The following SPTBN1 variants were observed in gnomAD, a reference collection of about 807,000 sequenced individuals.
SPTBN1 encodes the protein spectrin beta, non-erythrocytic 1.
Under a neutral mutation model 266.4 loss-of-function variants are expected in SPTBN1, and 32 were observed. That is an observed-to-expected ratio of 0.12 (90% CI 0.09 to 0.16). SPTBN1 has a LOEUF of 0.16. Ranked by LOEUF, SPTBN1 falls within the 10% of genes least tolerant of loss-of-function variation. The pLI is 1.00. For synonymous variants in SPTBN1, 1,336 were observed against 1,162.2 expected (o/e 1.15, Z -3.04); for missense variants, 2,296 against 3,067.1 (o/e 0.75, Z 5.94).
At chr2:54,459,012 A>G (rs930560414) in intron 1 of SPTBN1, among the ~76,000 whole-genome samples, 2 of 152,234 alleles carry the variant, frequency 1.3e-5, no homozygotes, top group African/African-American at 2.4e-5. Context: ...CTGGTTGTGT[A>G]AAATCGTGTT....
At chr2:54,593,888 C>A (rs1366814373) in intron 2 of SPTBN1, among the ~76,000 whole-genome samples, 1 of 118,600 alleles carries the variant, frequency 8.4e-6, no homozygotes, top group African/African-American at 3.2e-5. Flanking sequence ...GGCTGGAGTG[C>A]GGTGGCATGA....
intron 26 of SPTBN1, among the ~76,000 whole-genome samples, chr2:54,651,530 A>C (rs1203125850): frequency 2.0e-5 from 3 of 152,194 alleles, no homozygotes; most frequent in African/African-American, 7.2e-5. Context: ...TTTTGTGCCA[A>C]CTTGAAGTGC....
chr2:54,578,918 T>G (rs1400483045), intron 2 of SPTBN1, among the ~76,000 whole-genome samples: 1 of 152,164 alleles, frequency 6.6e-6, no homozygotes, highest in Non-Finnish European at 1.5e-5. Flanking sequence ...AGGAGAAATC[T>G]GAGTATCTTT....
intron 2 of SPTBN1, among the ~76,000 whole-genome samples, chr2:54,560,187 T>TGGG (rs138411199): frequency 1.7e-5 from 2 of 114,336 alleles, no homozygotes; most frequent in African/African-American, 6.4e-5. Flanking sequence ...GGAGTTGGGG[T>TGGG]GGGGGGGGGC....
rs1330658914 is a variant in SPTBN1 at position 54,628,007 on chromosome 2, A to T, written c.1645-90A>T. On this transcript the variant is annotated intron_variant, in intron 12 of 35. Coordinates refer to ENST00000356805, the MANE Select transcript of SPTBN1 (RefSeq NM_003128.3). The surrounding 1 kb of genome is among the most constrained non-coding windows in gnomAD (Gnocchi z 4.3). Reference sequence around the variant, plus strand: ...CAGACTAGAGGGAAGGCATAGCTTCATTGCTGGCTCTCTGCTTGTCGAAAG... The same window carrying T: ...CAGACTAGAGGGAAGGCATAGCTTCTTTGCTGGCTCTCTGCTTGTCGAAAG... 1 of 1,472,794 alleles carries T rather than the reference A, an allele frequency of 6.8e-7. No individual in the cohort carries two copies. Among genetic ancestry groups the T allele is most frequent in the Non-Finnish European group, 9.1e-7 (1 of 1,095,494 alleles). The allele number at this position is 1,472,794 out of a possible 1,614,324, so 91.2% of individuals were successfully genotyped here. A position where few individuals can be genotyped will look rare whatever the true frequency, so the allele number is the denominator to read the frequency against.
At chr2:54,493,407 T>C (rs1016131551) in intron 1 of SPTBN1, among the ~76,000 whole-genome samples, 3 of 109,336 alleles carry the variant, frequency 2.7e-5, no homozygotes, top group Non-Finnish European at 6.5e-5. Flanking sequence ...TTGTGTTTTC[T>C]TTTTTGGGGG....
chr2:54,599,129 G>A lies in SPTBN1; in HGVS notation c.186G>A (p.Lys62=). ...CCGTGCAGAAGAAGACCTTCACCAA[G>A]TGGGTCAATTCCCACCTTGCCCGTG... ...REAVQKKTFT[K]WVNSHLARVS... Residue 62 remains lysine, a synonymous_variant, in exon 3 of 36, where the codon AAG becomes AAA. Coordinates refer to ENST00000356805, the MANE Select transcript of SPTBN1 (RefSeq NM_003128.3). The A allele has an allele frequency of 6.2e-7, 1 of 1,614,142 alleles. No homozygotes were observed. The highest frequency in any genetic ancestry group is 8.5e-7 in the Non-Finnish European group (1 of 1,180,030).
At chr2:54,539,456 T>A (rs1280216792) in intron 2 of SPTBN1, among the ~76,000 whole-genome samples, 3 of 152,204 alleles carry the variant, frequency 2.0e-5, no homozygotes, top group Admixed American at 6.5e-5. Flanking sequence ...ACAATAAATG[T>A]TTCTCTTTCC....
intron 1 of SPTBN1, among the ~76,000 whole-genome samples, chr2:54,506,894 C>CTCTCTTTTTT (rs5831310): frequency 3.0e-5 from 4 of 133,478 alleles, no homozygotes; most frequent in South Asian, 2.3e-4. Flanking sequence ...GGTTCTCTCT[C>CTCTCTTTTTT]TTTTTTTTTT....
chr2:54,579,457 A>G (rs891528153), intron 2 of SPTBN1, among the ~76,000 whole-genome samples: 1 of 152,156 alleles, frequency 6.6e-6, no homozygotes, highest in South Asian at 2.1e-4. Flanking sequence ...ACTCACCCAT[A>G]GGGACCGTGG....
chr2:54,566,055 GT>G (rs1471251584), intron 2 of SPTBN1, among the ~76,000 whole-genome samples: 20 of 152,114 alleles, frequency 1.3e-4, no homozygotes, highest in Admixed American at 1.3e-3. Context: ...ACCAGGTGGG[GT>G]TTAGCCACTT....
At position 54,629,118 on chromosome 2, in the gene SPTBN1, T is replaced by C; in HGVS notation, c.1984T>C (p.Ser662Pro). Residue 662 changes from serine to proline, a missense_variant, in exon 14 of 36, where the codon TCC becomes CCC. Physicochemically the swap from Ser to Pro is moderately conservative, Grantham distance 74. Coordinates refer to ENST00000356805, the MANE Select transcript of SPTBN1 (RefSeq NM_003128.3). ...GATACGGGAGAAGGAGAAGATCCTG[T>C]CCTCGGACGATTACGGGAAAGACCT... ...GWIREKEKIL[S>P]SDDYGKDLTS... 1 of 1,613,600 alleles carries C rather than the reference T, an allele frequency of 6.2e-7. No individual in the cohort carries two copies. Among genetic ancestry groups the C allele is most frequent in the Non-Finnish European group, 8.5e-7 (1 of 1,179,902 alleles).
chr2:54,655,278 G>A (rs566485104), intron 28 of SPTBN1, 70 bp downstream of exon 28: 348 of 1,573,916 alleles, frequency 2.2e-4, no homozygotes, highest in East Asian at 3.8e-4. Flanking sequence ...TTATATGTTT[G>A]TGTGTGTCAG....
At chr2:54,508,173 G>A (rs1411732758) in intron 1 of SPTBN1, among the ~76,000 whole-genome samples, 1 of 152,120 alleles carries the variant, frequency 6.6e-6, no homozygotes, top group Non-Finnish European at 1.5e-5. Context: ...AGGCCGGTCC[G>A]TTATCGGACT....
At chr2:54,467,879 C>G (rs942460811) in intron 1 of SPTBN1, among the ~76,000 whole-genome samples, 1 of 151,584 alleles carries the variant, frequency 6.6e-6, no homozygotes, top group African/African-American at 2.4e-5. Flanking sequence ...TAACAAAATA[C>G]AAAAGTATTT....
At chr2:54,559,008 C>CT in intron 2 of SPTBN1, 1 of 1,142,382 alleles carries the variant, frequency 8.8e-7, no homozygotes, top group Non-Finnish European at 1.2e-6. Flanking sequence ...CTGTGGTTGG[C>CT]TGCGGGCACC....
At chr2:54,575,453 G>T (rs1183152762) in intron 2 of SPTBN1, among the ~76,000 whole-genome samples, 1 of 152,250 alleles carries the variant, frequency 6.6e-6, no homozygotes, top group East Asian at 1.9e-4. Context: ...TAACATTGGA[G>T]GGATGAGTAA....
At chr2:54,565,702 T>C (rs1673616833) in intron 2 of SPTBN1, among the ~76,000 whole-genome samples, 1 of 152,240 alleles carries the variant, frequency 6.6e-6, no homozygotes, top group Non-Finnish European at 1.5e-5. Context: ...TCTAGGCTGC[T>C]TTCCTTATTT....
intron 28 of SPTBN1, 41 bp from the exon 29 acceptor site, chr2:54,655,873 C>A: frequency 6.8e-7 from 1 of 1,481,470 alleles, no homozygotes; most frequent in South Asian, 1.2e-5. Flanking sequence ...GGATGTGGTG[C>A]ATTCCATTAA....
Sources: gnomAD v4.1 joint callset for allele counts (sites outside exome capture counted in the v4.1 genomes callset) on GRCh38, gnomAD v4.1.1 for gene constraint, Gnocchi (gnomAD v3.1) non-coding constraint, MANE v1.5 for transcripts, NCBI Gene and HGNC (gene_info 2026-07-23, HGNC 2026-07-21) for gene names.